Variants in LAMA2 observed in about 807,000 individuals in gnomAD.
The protein encoded by LAMA2 is laminin subunit alpha 2, also known as laminin subunit alpha-2.
LAMA2 carries 269 observed loss-of-function variants against 364.8 expected under a neutral mutation model. That is an observed-to-expected ratio of 0.74 (90% CI 0.67 to 0.82). LAMA2 has a LOEUF of 0.82. Among genes scored for constraint, LAMA2 ranks in the 40% least tolerant of loss-of-function variants. The pLI is 0.00. For synonymous variants in LAMA2, 1,379 were observed against 1,370.6 expected, an observed-to-expected ratio of 1.01 and a Z score of -0.14; for missense variants, 3,807 against 3,873.2, an observed-to-expected ratio of 0.98 and a Z score of 0.45.
At chr6:129,346,613 T>C (rs1022904173) in intron 30 of LAMA2, among the ~76,000 whole-genome samples, 1 of 152,162 alleles carries the variant, frequency 6.6e-6, no homozygotes, top group Non-Finnish European at 1.5e-5. Flanking sequence ...AAACATAATG[T>C]CTTATTTCTT....
intron 12 of LAMA2, among the ~76,000 whole-genome samples, chr6:129,200,400 ATGTACACATATACATATACGTGTATATG>A (rs1299461974): frequency 7.5e-5 from 11 of 147,348 alleles, no homozygotes; most frequent in Admixed American, 2.7e-4. Flanking sequence ...GTGTATATAC[ATGTACACATATACATATACGTGTATATG>A]TGTACACATA....
At chr6:128,943,155 T>C (rs1428650797) in intron 1 of LAMA2, among the ~76,000 whole-genome samples, 2 of 151,940 alleles carry the variant, frequency 1.3e-5, no homozygotes, top group Non-Finnish European at 2.9e-5. Context: ...TTTGTGGTCT[T>C]GTGTGTGTGT....
intron 1 of LAMA2, among the ~76,000 whole-genome samples, chr6:128,943,173 T>C (rs1205830130): frequency 6.6e-6 from 1 of 152,192 alleles, no homozygotes; most frequent in Non-Finnish European, 1.5e-5. Flanking sequence ...TGTGTATATA[T>C]ATAAACACAT....
At chr6:129,323,182 A>G (rs755011936) in intron 28 of LAMA2, among the ~76,000 whole-genome samples, 1 of 152,198 alleles carries the variant, frequency 6.6e-6, no homozygotes, top group African/African-American at 2.4e-5. Flanking sequence ...TTACCCAGGC[A>G]TAAAATCTTA....
chr6:129,493,024 G>A (rs1724152600), intron 58 of LAMA2, among the ~76,000 whole-genome samples: 1 of 152,076 alleles, frequency 6.6e-6, no homozygotes, highest in African/African-American at 2.4e-5. Flanking sequence ...GCATGGCGGT[G>A]TGCACCTGTA....
chr6:129,070,088 C>T (rs1773215065), intron 3 of LAMA2, among the ~76,000 whole-genome samples: 1 of 152,030 alleles, frequency 6.6e-6, no homozygotes, highest in South Asian at 2.1e-4. Flanking sequence ...CATTTCTTTA[C>T]CTATGACTTA....
Position 129,200,112 on chromosome 6 carries a change from GTA to G in LAMA2, c.1782+7267_1782+7268del, listed in dbSNP as rs751747509. Among the ~76,000 whole-genome samples the G allele has an allele frequency of 2.4e-5, 3 of 123,618 alleles. No homozygotes were observed. In the Admixed American group the frequency reaches 2.5e-4, roughly 10 times the overall value. The allele number at this position is 123,618 out of a possible 152,430, so 81.1% of individuals were successfully genotyped here. On this transcript the variant is annotated intron_variant, in intron 12 of 64. Coordinates refer to ENST00000421865, the MANE Select transcript of LAMA2 (RefSeq NM_000426.4). ...TATATACACGTGTATATGTGTACAC[GTA>G]TATATATGTGTATATATATACGTGT...
chr6:128,982,908 A>G (rs1212663802), intron 1 of LAMA2, among the ~76,000 whole-genome samples: 30 of 149,662 alleles, frequency 2.0e-4, no homozygotes, highest in Non-Finnish European at 4.4e-5. Context: ...GATGATTTCC[A>G]GTATCGTCCA....
chr6:129,310,483 T>C (rs1478584200), intron 22 of LAMA2, among the ~76,000 whole-genome samples: 3 of 152,002 alleles, frequency 2.0e-5, no homozygotes, highest in Non-Finnish European at 4.4e-5. Context: ...AGAAGGATAA[T>C]AGAACAGCAC....
Position 128,917,940 on chromosome 6 carries a change from T to C in LAMA2, c.112+34583T>C, listed in dbSNP as rs574833117. On this transcript the variant is annotated intron_variant, in intron 1 of 64. Coordinates refer to ENST00000421865, the MANE Select transcript of LAMA2 (RefSeq NM_000426.4). ...TTGTAAAGATGGTACTTTGCCATGT[T>C]GCTCAGACTGAACTCCTGGGCTCAA... 2.4e-4 allele frequency among the ~76,000 whole-genome samples: 36 copies of C among 152,030 alleles called. No homozygotes were observed. In the South Asian group the frequency reaches 7.3e-3, roughly 31 times the overall value.
chr6:128,991,154 T>A (rs1783584858), intron 1 of LAMA2, among the ~76,000 whole-genome samples: 2 of 152,150 alleles, frequency 1.3e-5, no homozygotes, highest in Admixed American at 1.3e-4. Context: ...ATCACCTACT[T>A]GTGATTTTTA....
intron 45 of LAMA2, among the ~76,000 whole-genome samples, chr6:129,447,771 C>G (rs551648378): frequency 6.6e-6 from 1 of 152,300 alleles, no homozygotes; most frequent in African/African-American, 2.4e-5. Flanking sequence ...TGATGTACCA[C>G]TCCTATATTT....
intron 1 of LAMA2, among the ~76,000 whole-genome samples, chr6:128,953,617 GTGTGT>G (rs2114574556): frequency 6.6e-6 from 1 of 151,836 alleles, no homozygotes; most frequent in African/African-American, 2.4e-5. Flanking sequence ...GTGTGTGTGT[GTGTGT>G]GTGAATGTAT....
intron 1 of LAMA2, among the ~76,000 whole-genome samples, chr6:129,004,685 T>A (rs1355740197): frequency 6.6e-6 from 1 of 152,180 alleles, no homozygotes. Flanking sequence ...AAATTAAGAA[T>A]AGTGTACTTT....
rs1475260571 is a variant in LAMA2 at position 128,929,833 on chromosome 6, C to T, written c.112+46476C>T. ...AGTCTTGGTAGAAGATACGCAGTCCCTTGTAAGTGAAAAACTTGCCTGAAG... is the reference window on the plus strand; with the variant it reads ...AGTCTTGGTAGAAGATACGCAGTCCTTTGTAAGTGAAAAACTTGCCTGAAG... On this transcript the variant is annotated intron_variant, in intron 1 of 64. Transcript: ENST00000421865. 33 of 1,034,388 alleles carry T rather than the reference C, an allele frequency of 3.2e-5. No homozygotes were observed. In the East Asian group the frequency reaches 7.9e-4, roughly 25 times the overall value. 64.1% of individuals were successfully genotyped at this position (1,034,388 alleles called of 1,614,324 possible).
chr6:128,964,531 T>C (rs1781725914), intron 1 of LAMA2, among the ~76,000 whole-genome samples: 1 of 152,080 alleles, frequency 6.6e-6, no homozygotes, highest in South Asian at 2.1e-4. Context: ...TACAATGTTT[T>C]GAATCCCTAC....
At chr6:129,081,427 C>T (rs558640755) in intron 3 of LAMA2, among the ~76,000 whole-genome samples, 68 of 152,012 alleles carry the variant, frequency 4.5e-4, no homozygotes, top group African/African-American at 1.5e-3. Flanking sequence ...ATGAAATGTC[C>T]GTATATTTTC....
chr6:129,452,372 A>G (rs978413759), intron 45 of LAMA2, among the ~76,000 whole-genome samples: 3 of 152,188 alleles, frequency 2.0e-5, no homozygotes, highest in South Asian at 2.1e-4. Context: ...AGTGATAGCC[A>G]TTGGAAATTA....
rs149030895 is a variant in LAMA2 at position 129,437,392 on chromosome 6, A to G, written c.5969-1254A>G. Among the ~76,000 whole-genome samples the G allele has an allele frequency of 7.6e-4, 116 of 152,182 alleles. No homozygotes were observed. In the East Asian group the frequency reaches 0.022, roughly 28 times the overall value. The stretch of plus-strand genomic sequence containing the variant: ...CTGAAGAACACTAAATGCGTGTAAC[A>G]TACACATTCAATGCTTGTCAGGCAT... On this transcript the variant is annotated intron_variant, in intron 41 of 64. Transcript: ENST00000421865.
Sources: gnomAD v4.1 joint callset for allele counts (sites outside exome capture counted in the v4.1 genomes callset) on GRCh38, gnomAD v4.1.1 for gene constraint, MANE v1.5 for transcripts, NCBI Gene and HGNC (gene_info 2026-07-23, HGNC 2026-07-21) for gene names.